PLPBP: variants seen among roughly 807,000 people sequenced by gnomAD.
The protein encoded by PLPBP is pyridoxal phosphate binding protein, also known as pyridoxal phosphate homeostasis protein.
PLPBP carries 21 observed loss-of-function variants against 31.2 expected under a neutral mutation model. The observed-to-expected ratio is 0.67, with a 90% CI of 0.48 to 0.97. The LOEUF (loss-of-function observed/expected upper bound fraction) is 0.97. Ranked by LOEUF, PLPBP falls within the 50% of genes least tolerant of loss-of-function variation. The pLI is 0.00. For synonymous variants in PLPBP, 124 were observed against 135.6 expected, an observed-to-expected ratio of 0.91 and a Z score of 0.59; for missense variants, 308 against 354.4, an observed-to-expected ratio of 0.87 and a Z score of 1.05.
At chr8:37,767,014 TC>T (rs1252050141) in intron 4 of PLPBP, among the ~76,000 whole-genome samples, 7 of 116,754 alleles carry the variant, frequency 6.0e-5, no homozygotes, top group Non-Finnish European at 9.5e-5. Context: ...GCCACTGCAC[TC>T]CAGACTAGGT....
chr8:37,775,228 G>A (rs1318474133), intron 5 of PLPBP, 111 bp from the exon 6 acceptor site: 1 of 1,283,248 alleles, frequency 7.8e-7, no homozygotes, highest in Non-Finnish European at 1.1e-6. Flanking sequence ...TCTTTCAAGA[G>A]GTTCTCTTGT....
rs1803902863 is a variant in PLPBP, at chr8:37,776,155, C to T, written c.696+139C>T. Reference sequence around the variant, plus strand: ...AGTAAGGTACCCAGTGTCAGCTATTCCAGCATCTCCCATTCCCCATGCCCT... The same window carrying T: ...AGTAAGGTACCCAGTGTCAGCTATTTCAGCATCTCCCATTCCCCATGCCCT... On this transcript the variant is annotated intron_variant, in intron 7 of 7. Coordinates refer to ENST00000328195, the MANE Select transcript of PLPBP (RefSeq NM_007198.4). 3 of 741,054 alleles carry T rather than the reference C, an allele frequency of 4.0e-6. No homozygotes were observed. In the East Asian group the frequency reaches 8.1e-5, roughly 20 times the overall value. 45.9% of individuals were successfully genotyped at this position (741,054 alleles called of 1,614,324 possible). A position where few individuals can be genotyped will look rare whatever the true frequency, so the allele number is the denominator to read the frequency against.
At chr8:37,768,616 G>A (rs1006252681) in intron 4 of PLPBP, among the ~76,000 whole-genome samples, 1 of 151,804 alleles carries the variant, frequency 6.6e-6, no homozygotes, top group Non-Finnish European at 1.5e-5. Flanking sequence ...GGGACTACAG[G>A]CGCCCACCAC....
chr8:37,768,030 C>T (rs966085308), intron 4 of PLPBP, among the ~76,000 whole-genome samples: 4 of 152,020 alleles, frequency 2.6e-5, no homozygotes, highest in Non-Finnish European at 5.9e-5. Context: ...TGGTCTCGAA[C>T]TCCTGACCTT....
chr8:37,768,891 T>C (rs1339641737), intron 4 of PLPBP, among the ~76,000 whole-genome samples: 3 of 152,306 alleles, frequency 2.0e-5, no homozygotes, highest in Admixed American at 2.0e-4. Flanking sequence ...TTAAATTGAG[T>C]TGTCTTTTCA....
chr8:37,770,933 A>T (rs1803754662), intron 4 of PLPBP, among the ~76,000 whole-genome samples: 1 of 152,172 alleles, frequency 6.6e-6, no homozygotes, highest in African/African-American at 2.4e-5. Flanking sequence ...GCCAGCAGGC[A>T]TAGAAGGGGC....
chr8:37,774,991 AG>A, intron 5 of PLPBP: 1 of 167,024 alleles, frequency 6.0e-6, no homozygotes, highest in Non-Finnish European at 1.3e-5. Context: ...GATTTAGAAA[AG>A]TAATTCTCAG....
rs143862681 is a variant in PLPBP at position 37,771,227 on chromosome 8, C to T, written c.320-1528C>T. On this transcript the variant is annotated intron_variant, in intron 4 of 7. Coordinates refer to ENST00000328195, the MANE Select transcript of PLPBP (RefSeq NM_007198.4). ...TCCCGGCTCACTGCAACCTCTGCCT[C>T]CCAGATTGAAGGAATTCTCCTACCT... 5.1e-3 allele frequency among the ~76,000 whole-genome samples: 774 copies of T among 152,256 alleles called. 17 individuals are homozygous for T. The highest frequency in any genetic ancestry group is 0.039 in the East Asian group (202 of 5,168).
At chr8:37,776,478 CA>C (rs915875297) in intron 7 of PLPBP, among the ~76,000 whole-genome samples, 235 of 10,626 alleles carry the variant, frequency 0.022, no homozygotes, top group Non-Finnish European at 0.03. Flanking sequence ...GACTCCATCT[CA>C]AAAAAAAAAA....
At chr8:37,776,823 G>C (rs901040641) in intron 7 of PLPBP, among the ~76,000 whole-genome samples, 14 of 152,060 alleles carry the variant, frequency 9.2e-5, no homozygotes, top group African/African-American at 3.4e-4. Context: ...CCGGAGTGCA[G>C]TGGCGCGATC....
At chr8:37,776,270 G>A (rs1803906340) in intron 7 of PLPBP, among the ~76,000 whole-genome samples, 1 of 152,098 alleles carries the variant, frequency 6.6e-6, no homozygotes, top group Non-Finnish European at 1.5e-5. Flanking sequence ...GAGGTCAGGA[G>A]TTCGAGACCA....
At chr8:37,774,055 AC>A (rs1393443058) in intron 5 of PLPBP, among the ~76,000 whole-genome samples, 1 of 151,946 alleles carries the variant, frequency 6.6e-6, no homozygotes, top group African/African-American at 2.4e-5. Flanking sequence ...TACCATACAT[AC>A]AAAAATTAGC....
Position 37,775,922 on chromosome 8 carries a change from T to C in PLPBP, c.602T>C (p.Leu201Ser), listed in dbSNP as rs1300198530. 1.2e-6 allele frequency: 2 copies of C among 1,612,608 alleles called. No homozygotes were observed. Among genetic ancestry groups the C allele is most frequent in the Non-Finnish European group, 1.7e-6 (2 of 1,178,828 alleles). Residue 201 changes from leucine to serine, a missense_variant, in exon 7 of 8, where the codon TTA (leucine) becomes TCA (serine). Leu to Ser is a moderately radical substitution (Grantham distance 145). Transcript: ENST00000328195. Reference sequence around the variant, plus strand: ...GGTGTCATCTCTTTCTGTCAGCTGTTATTGTCCCTCCGGGAGGAGCTGTGT... The same window carrying C: ...GGTGTCATCTCTTTCTGTCAGCTGTCATTGTCCCTCCGGGAGGAGCTGTGT... ...SQGPNPDFQLLLSLREELCKK... is the reference protein window; with the variant it reads ...SQGPNPDFQLSLSLREELCKK...
chr8:37,775,203 T>C (rs1803868658), intron 5 of PLPBP, 136 bp from the exon 6 acceptor site: 1 of 978,350 alleles, frequency 1.0e-6, no homozygotes, highest in Non-Finnish European at 1.5e-6. Flanking sequence ...AAAGTTACTC[T>C]TTAGGACTTG....
Position 37,775,931 on chromosome 8 carries a change from T to G in PLPBP, c.611T>G (p.Leu204Arg). 6.2e-7 allele frequency: 1 copy of G among 1,613,564 alleles called. No homozygotes were observed. Among genetic ancestry groups the G allele is most frequent in the South Asian group, 1.1e-5 (1 of 91,070 alleles). ...PNPDFQLLLS[L>R]REELCKKLNI... ...TCTTTCTGTCAGCTGTTATTGTCCC[T>G]CCGGGAGGAGCTGTGTAAAAAGCTG... The change falls in exon 7 of 8, where the codon CTC becomes CGC. Residue 204 changes from leucine to arginine, a missense_variant. Leu to Arg is a moderately radical substitution (Grantham distance 102). This residue lies in a region of PLPBP where 188 missense variants were observed against 259.3 expected (regional missense o/e 0.73). Transcript: ENST00000328195.
At chr8:37,777,002 G>T (rs923327204) in intron 7 of PLPBP, among the ~76,000 whole-genome samples, 2 of 152,054 alleles carry the variant, frequency 1.3e-5, no homozygotes, top group African/African-American at 4.8e-5. Flanking sequence ...CCTGACCTCA[G>T]GTAATCCACC....
At chr8:37,768,399 A>C (rs1166987117) in intron 4 of PLPBP, among the ~76,000 whole-genome samples, 2 of 152,038 alleles carry the variant, frequency 1.3e-5, no homozygotes, top group Non-Finnish European at 2.9e-5. Context: ...ATAGCTTATA[A>C]GTCAACAAAG....
At chr8:37,770,337 G>T (rs988756569) in intron 4 of PLPBP, among the ~76,000 whole-genome samples, 1 of 152,156 alleles carries the variant, frequency 6.6e-6, no homozygotes, top group Non-Finnish European at 1.5e-5. Context: ...CATCTACAGA[G>T]AATTTATTTT....
chr8:37,776,054 T>G (rs766466243), intron 7 of PLPBP, 38 bp downstream of exon 7: 2 of 1,568,646 alleles, frequency 1.3e-6, no homozygotes, highest in Non-Finnish European at 1.8e-6. Context: ...CCTCGAGGGG[T>G]GGGGGTAGGG....
Sources: allele counts gnomAD v4.1 joint callset (sites outside exome capture counted in the v4.1 genomes callset), GRCh38; gene constraint gnomAD v4.1.1; regional missense constraint gnomAD v4.1.1; transcripts MANE v1.5; gene names NCBI Gene and HGNC (gene_info 2026-07-23, HGNC 2026-07-21).